Variants in SNTG2 observed in about 807,000 individuals in gnomAD.
SNTG2 encodes syntrophin gamma 2.
In SNTG2, 74 loss-of-function variants were observed where a neutral mutation model predicts 70.9. The ratio of observed to expected loss-of-function variants is 1.04; its 90% CI spans 0.86 to 1.27. The LOEUF (loss-of-function observed/expected upper bound fraction) is 1.27. SNTG2 is among the 50% of genes most tolerant of loss of function. The pLI is 0.00. For missense variants in SNTG2, 717 were observed against 690.7 expected, an observed-to-expected ratio of 1.04 and a Z score of -0.43; for synonymous variants, 278 against 273.8, an observed-to-expected ratio of 1.02 and a Z score of -0.15.
At chr2:1,119,998 A>G (rs988897555) in intron 4 of SNTG2, among the ~76,000 whole-genome samples, 4 of 152,320 alleles carry the variant, frequency 2.6e-5, no homozygotes, top group African/African-American at 9.6e-5. Context: ...AGAAAATGGC[A>G]TTGATAATTC....
intron 13 of SNTG2, among the ~76,000 whole-genome samples, 165 bp downstream of exon 13, chr2:1,259,606 G>A (rs1678311970): frequency 6.6e-6 from 1 of 152,168 alleles, no homozygotes; most frequent in African/African-American, 2.4e-5. Flanking sequence ...CCTGGTACAT[G>A]GGTTCTAGCT....
intron 1 of SNTG2, among the ~76,000 whole-genome samples, chr2:962,402 C>T (rs1164549473): frequency 1.3e-5 from 2 of 152,186 alleles, no homozygotes; most frequent in African/African-American, 4.8e-5. Context: ...TACAAGAAAG[C>T]ATGAGTTTTG....
intron 6 of SNTG2, among the ~76,000 whole-genome samples, chr2:1,156,228 G>A (rs1243890580): frequency 6.6e-6 from 1 of 152,194 alleles, no homozygotes; most frequent in Non-Finnish European, 1.5e-5. Flanking sequence ...TGTGATGTAG[G>A]ACGAGGCGAA....
intron 1 of SNTG2, among the ~76,000 whole-genome samples, chr2:968,435 T>G (rs1156795176): frequency 6.6e-6 from 1 of 152,220 alleles, no homozygotes; most frequent in Non-Finnish European, 1.5e-5. Flanking sequence ...AGGATACATT[T>G]TAAATCTCAT....
intron 8 of SNTG2, among the ~76,000 whole-genome samples, chr2:1,199,498 A>G (rs952739207): frequency 1.1e-4 from 16 of 152,108 alleles, no homozygotes; most frequent in African/African-American, 3.1e-4. Flanking sequence ...CCTATTCAGC[A>G]TAGTCCTGGA....
chr2:1,138,224 G>A (rs1668520756), intron 6 of SNTG2, among the ~76,000 whole-genome samples: 1 of 152,198 alleles, frequency 6.6e-6, no homozygotes, highest in South Asian at 2.1e-4. Context: ...TTTGCTCCCT[G>A]TTGGCTGGCA....
chr2:1,183,854 G>T (rs974779342), intron 8 of SNTG2, among the ~76,000 whole-genome samples: 10 of 152,120 alleles, frequency 6.6e-5, no homozygotes, highest in Admixed American at 3.9e-4. Context: ...ATTAAAAAAA[G>T]AGTTTTTCCA....
intron 1 of SNTG2, among the ~76,000 whole-genome samples, chr2:1,016,536 C>G (rs763852145): frequency 6.9e-6 from 1 of 144,868 alleles, no homozygotes; most frequent in Admixed American, 6.9e-5. Context: ...CCACCACGCC[C>G]GGCCGACAAC....
At chr2:1,172,473 C>T (rs1671189170) in intron 7 of SNTG2, among the ~76,000 whole-genome samples, 1 of 152,176 alleles carries the variant, frequency 6.6e-6, no homozygotes, top group Non-Finnish European at 1.5e-5. Flanking sequence ...AGCCTTTCTC[C>T]CTGAGCTGTT....
intron 16 of SNTG2, among the ~76,000 whole-genome samples, chr2:1,355,385 C>T (rs1660795382): frequency 6.6e-6 from 1 of 152,214 alleles, no homozygotes; most frequent in African/African-American, 2.4e-5. Context: ...CCCCATGCTA[C>T]TCCCCCTTCT....
At chr2:1,215,992 G>A (rs958602769) in intron 9 of SNTG2, among the ~76,000 whole-genome samples, 81 of 152,246 alleles carry the variant, frequency 5.3e-4, no homozygotes, top group African/African-American at 1.9e-3. Context: ...CTTTGCTATT[G>A]TGAATAGTGC....
chr2:1,095,184 T>C (rs755749556), intron 2 of SNTG2, among the ~76,000 whole-genome samples: 1 of 152,166 alleles, frequency 6.6e-6, no homozygotes, highest in Non-Finnish European at 1.5e-5. Context: ...CATCTGACCT[T>C]AGTTACCTCC....
At chr2:1,102,275 G>A (rs1183290073) in intron 4 of SNTG2, among the ~76,000 whole-genome samples, 3 of 152,220 alleles carry the variant, frequency 2.0e-5, no homozygotes, top group African/African-American at 4.8e-5. Flanking sequence ...TAAAATTAGT[G>A]TGATTAGGGT....
At chr2:1,076,093 G>T (rs1474611052) in intron 1 of SNTG2, among the ~76,000 whole-genome samples, 1 of 152,176 alleles carries the variant, frequency 6.6e-6, no homozygotes, top group Non-Finnish European at 1.5e-5. Context: ...TAAAGTCATT[G>T]GTCACGCAAA....
intron 1 of SNTG2, among the ~76,000 whole-genome samples, chr2:1,025,113 A>G (rs1312865436): frequency 6.6e-6 from 1 of 152,228 alleles, no homozygotes; most frequent in African/African-American, 2.4e-5. Context: ...TGTAGAGCTT[A>G]ACAGAAAGAG....
chr2:1,366,944 G>C (rs375034105), intron 16 of SNTG2, among the ~76,000 whole-genome samples: 1 of 152,222 alleles, frequency 6.6e-6, no homozygotes, highest in Admixed American at 6.5e-5. Context: ...GGTCTGCTGC[G>C]ACGGGATCCA....
chr2:1,318,058 G>A (rs934597545), intron 16 of SNTG2, among the ~76,000 whole-genome samples: 14 of 152,202 alleles, frequency 9.2e-5, no homozygotes, highest in Non-Finnish European at 1.6e-4. Flanking sequence ...AAACTTCTTT[G>A]TTAATTAAAG....
At chr2:1,155,190 A>G (rs1669804585) in intron 6 of SNTG2, among the ~76,000 whole-genome samples, 2 of 150,622 alleles carry the variant, frequency 1.3e-5, no homozygotes, top group South Asian at 2.1e-4. Context: ...ACACACATAT[A>G]TAGACCACAC....
intron 16 of SNTG2, among the ~76,000 whole-genome samples, chr2:1,342,140 G>C (rs1035148454): frequency 2.6e-5 from 4 of 152,180 alleles, no homozygotes; most frequent in South Asian, 2.1e-4. Context: ...CAGAGCCTTC[G>C]TAGCAAGTCC....
Sources: allele counts gnomAD v4.1 joint callset (sites outside exome capture counted in the v4.1 genomes callset), GRCh38; gene constraint gnomAD v4.1.1; transcripts MANE v1.5; gene names NCBI Gene and HGNC (gene_info 2026-07-23, HGNC 2026-07-21).